Variants in EXOC6B observed in about 807,000 individuals in gnomAD.
The protein encoded by EXOC6B is SEC15 homolog B.
In EXOC6B, 54 loss-of-function variants were observed where a neutral mutation model predicts 113.5. The observed-to-expected ratio is 0.48, with a 90% CI of 0.38 to 0.60. EXOC6B has a LOEUF of 0.60. Among genes scored for constraint, EXOC6B ranks in the 20% least tolerant of loss-of-function variants. The probability of loss-of-function intolerance (pLI) is 0.00; values close to 1 mark genes in which losing one functional copy is unlikely to be tolerated. For synonymous variants in EXOC6B, 357 were observed against 339.0 expected, an observed-to-expected ratio of 1.05 and a Z score of -0.58; for missense variants, 797 against 977.5, an observed-to-expected ratio of 0.82 and a Z score of 2.46.
chr2:72,675,457 C>T (rs1483264370), intron 6 of EXOC6B, among the ~76,000 whole-genome samples: 2 of 152,170 alleles, frequency 1.3e-5, no homozygotes, highest in African/African-American at 4.8e-5. Context: ...GACGCAGTTT[C>T]AAGCAGCTAA....
intron 20 of EXOC6B, among the ~76,000 whole-genome samples, chr2:72,281,446 C>T (rs1483236413): frequency 6.6e-6 from 1 of 151,984 alleles, no homozygotes; most frequent in Non-Finnish European, 1.5e-5. Context: ...CAGAATTTCA[C>T]CACACAATTG....
rs576686166 is a variant in EXOC6B, at chr2:72,399,009, GA to G, written c.1981-19140del. Among the ~76,000 whole-genome samples, 157 of 122,604 alleles carry G rather than the reference GA, an allele frequency of 1.3e-3. 1 individual carries two copies. The Middle Eastern group carries it at 0.03, about 23-fold the overall frequency. 80.4% of individuals were successfully genotyped at this position (122,604 alleles called of 152,430 possible). A position where few individuals can be genotyped will look rare whatever the true frequency, so the allele number is the denominator to read the frequency against. On this transcript the variant is annotated intron_variant, in intron 18 of 21. Coordinates refer to ENST00000272427, the MANE Select transcript of EXOC6B (RefSeq NM_015189.3). ...GATACCAAAGCCAGGCAGTGAAAAAGAAAAAAAAAAAAAGAAAAAAATTATA... is the reference window on the plus strand; with the variant it reads ...GATACCAAAGCCAGGCAGTGAAAAAGAAAAAAAAAAAAGAAAAAAATTATA...
intron 1 of EXOC6B, among the ~76,000 whole-genome samples, chr2:72,778,577 T>C (rs909967292): frequency 6.6e-6 from 1 of 152,198 alleles, no homozygotes; most frequent in Non-Finnish European, 1.5e-5. Context: ...TACCATTTCA[T>C]ACACTGGTGA....
At chr2:72,670,787 G>T (rs1033870317) in intron 6 of EXOC6B, among the ~76,000 whole-genome samples, 1 of 151,962 alleles carries the variant, frequency 6.6e-6, no homozygotes, top group Non-Finnish European at 1.5e-5. Context: ...TCTTTTGCTG[G>T]CTACTCTTTT....
intron 1 of EXOC6B, among the ~76,000 whole-genome samples, chr2:72,824,257 T>C (rs535748812): frequency 6.6e-5 from 10 of 151,834 alleles, no homozygotes; most frequent in Non-Finnish European, 1.0e-4. Context: ...GTGGTGGTGG[T>C]GCACAGCTGT....
At chr2:72,405,347 G>A (rs1693660912) in intron 18 of EXOC6B, among the ~76,000 whole-genome samples, 1 of 152,154 alleles carries the variant, frequency 6.6e-6, no homozygotes, top group African/African-American at 2.4e-5. Context: ...AGGAAATACA[G>A]AGAACGCCAC....
chr2:72,502,380 C>A (rs1700372465), intron 11 of EXOC6B, among the ~76,000 whole-genome samples: 1 of 151,918 alleles, frequency 6.6e-6, no homozygotes, highest in Admixed American at 6.6e-5. Flanking sequence ...AAACCTTATC[C>A]CCACTAAAAA....
chr2:72,610,812 G>A (rs905310009), intron 6 of EXOC6B, among the ~76,000 whole-genome samples: 8 of 152,026 alleles, frequency 5.3e-5, no homozygotes, highest in Admixed American at 2.0e-4. Context: ...TGCATTTAGC[G>A]GTCCACTTTC....
At chr2:72,289,936 C>G (rs1407802289) in intron 20 of EXOC6B, among the ~76,000 whole-genome samples, 3 of 152,194 alleles carry the variant, frequency 2.0e-5, no homozygotes, top group Admixed American at 2.0e-4. Flanking sequence ...CTCACCTAAT[C>G]AGTTGAAGGC....
intron 6 of EXOC6B, among the ~76,000 whole-genome samples, chr2:72,658,975 T>C (rs1186739592): frequency 6.6e-6 from 1 of 152,150 alleles, no homozygotes; most frequent in Non-Finnish European, 1.5e-5. Context: ...TTTCCTGGTA[T>C]TTATTTCCTC....
At chr2:72,797,542 A>G (rs1685030460) in intron 1 of EXOC6B, among the ~76,000 whole-genome samples, 1 of 152,182 alleles carries the variant, frequency 6.6e-6, no homozygotes, top group South Asian at 2.1e-4. Flanking sequence ...GGCCGGGTGC[A>G]ATGGCTCACG....
intron 19 of EXOC6B, among the ~76,000 whole-genome samples, chr2:72,345,047 C>T (rs140500798): frequency 1.3e-5 from 2 of 152,160 alleles, no homozygotes; most frequent in African/African-American, 4.8e-5. Flanking sequence ...TGTGGGTAAG[C>T]TGCTTTGGGA....
intron 19 of EXOC6B, among the ~76,000 whole-genome samples, chr2:72,357,567 T>C (rs1003165809): frequency 6.6e-6 from 1 of 151,990 alleles, no homozygotes; most frequent in Non-Finnish European, 1.5e-5. Context: ...TGTTGCACAC[T>C]TGTAATCCCA....
rs77945334 is a variant in EXOC6B at position 72,431,276 on chromosome 2, A to G, written c.1980+33884T>C. On this transcript the variant is annotated intron_variant, in intron 18 of 21. Coordinates refer to ENST00000272427, the MANE Select transcript of EXOC6B (RefSeq NM_015189.3). ...TTAGAAAATTCATAACTTGGCTTCA[A>G]ATAAGATTCACTGACAATTTTATGA... Among the ~76,000 whole-genome samples, 24 of 152,310 alleles carry G rather than the reference A, an allele frequency of 1.6e-4. No homozygotes were observed. The East Asian group carries it at 4.2e-3, about 27-fold the overall frequency.
Position 72,601,124 on chromosome 2 carries a change from A to ATGTG in EXOC6B, c.670-25460_670-25457dup, listed in dbSNP as rs61668760. 7.3e-3 allele frequency among the ~76,000 whole-genome samples: 1,012 copies of ATGTG among 138,616 alleles called. 7 individuals carry two copies. The highest frequency in any genetic ancestry group is 0.012 in the Non-Finnish European group (788 of 64,726). The allele number at this position is 138,616 out of a possible 152,430, so 90.9% of individuals were successfully genotyped here. The stretch of plus-strand genomic sequence containing the variant: ...TACATATATATATATGTGTGTGTGT[A>ATGTG]TGTGTGTGTGTGTGTGTGTGTGTGT... On this transcript the variant is annotated intron_variant, in intron 6 of 21. Coordinates refer to ENST00000272427, the MANE Select transcript of EXOC6B (RefSeq NM_015189.3).
intron 20 of EXOC6B, among the ~76,000 whole-genome samples, chr2:72,203,824 T>C (rs1413446103): frequency 1.3e-5 from 2 of 152,196 alleles, no homozygotes; most frequent in East Asian, 1.9e-4. Flanking sequence ...ATTGAGATTA[T>C]GGCAAATAAG....
chr2:72,327,825 T>A (rs1478881575), intron 20 of EXOC6B, among the ~76,000 whole-genome samples: 2 of 152,124 alleles, frequency 1.3e-5, no homozygotes, highest in East Asian at 3.9e-4. Flanking sequence ...CAGAATTTGT[T>A]ACATATTACT....
At chr2:72,304,584 G>A (rs181011482) in intron 20 of EXOC6B, among the ~76,000 whole-genome samples, 4 of 152,204 alleles carry the variant, frequency 2.6e-5, no homozygotes, top group African/African-American at 4.8e-5. Flanking sequence ...TTCATTTTAA[G>A]GGGGATACTT....
At chr2:72,638,707 C>A (rs555699172) in intron 6 of EXOC6B, among the ~76,000 whole-genome samples, 5 of 152,310 alleles carry the variant, frequency 3.3e-5, no homozygotes, top group Non-Finnish European at 5.9e-5. Flanking sequence ...GCGAGAGCTG[C>A]TTAGAGAAGT....
Sources: allele counts gnomAD v4.1 joint callset (sites outside exome capture counted in the v4.1 genomes callset), GRCh38; gene constraint gnomAD v4.1.1; transcripts MANE v1.5; gene names NCBI Gene and HGNC (gene_info 2026-07-23, HGNC 2026-07-21).